ARHGAP28: variants seen among roughly 807,000 people sequenced by gnomAD.
The protein encoded by ARHGAP28 is Rho GTPase activating protein 28.
Under a neutral mutation model 90.7 loss-of-function variants are expected in ARHGAP28, and 56 were observed. The ratio of observed to expected loss-of-function variants is 0.62; its 90% CI spans 0.50 to 0.77. The LOEUF (loss-of-function observed/expected upper bound fraction) is 0.77, where lower values mean the gene tolerates loss of function less well. Among genes scored for constraint, ARHGAP28 ranks in the 30% least tolerant of loss-of-function variants. ARHGAP28 has a pLI of 0.00. For missense variants in ARHGAP28, 869 were observed against 900.9 expected (o/e 0.96, Z 0.45); for synonymous variants, 308 against 323.3 (o/e 0.95, Z 0.51).
At chr18:6,838,099 A>C (rs890698374) in intron 3 of ARHGAP28, among the ~76,000 whole-genome samples, 3 of 152,224 alleles carry the variant, frequency 2.0e-5, no homozygotes, top group Non-Finnish European at 4.4e-5. Flanking sequence ...CACAATTGCA[A>C]TGTTACATTA....
intron 1 of ARHGAP28, among the ~76,000 whole-genome samples, chr18:6,759,113 C>T (rs1197033396): frequency 1.3e-5 from 2 of 152,092 alleles, no homozygotes; most frequent in East Asian, 1.9e-4. Context: ...GGCATTATTT[C>T]ACCGTTGATA....
intron 2 of ARHGAP28, among the ~76,000 whole-genome samples, chr18:6,827,119 C>T (rs1291425793): frequency 6.6e-6 from 1 of 152,226 alleles, no homozygotes; most frequent in Non-Finnish European, 1.5e-5. Flanking sequence ...CATCCGATTT[C>T]TCAGTCTCTT....
At chr18:6,773,628 G>T (rs1600170609) in intron 1 of ARHGAP28, among the ~76,000 whole-genome samples, 1 of 152,074 alleles carries the variant, frequency 6.6e-6, no homozygotes, top group African/African-American at 2.4e-5. Flanking sequence ...AAGTTGCGTG[G>T]TTTCTCTCTG....
intron 1 of ARHGAP28, among the ~76,000 whole-genome samples, chr18:6,804,503 CT>C: frequency 6.6e-6 from 1 of 151,644 alleles, no homozygotes; most frequent in East Asian, 1.9e-4. Flanking sequence ...CTATTTTTCT[CT>C]TTTAAGATCA....
intron 5 of ARHGAP28, among the ~76,000 whole-genome samples, chr18:6,863,237 A>G (rs536980335): frequency 1.1e-4 from 17 of 152,058 alleles, no homozygotes; most frequent in African/African-American, 4.1e-4. Context: ...ATCATTAAGG[A>G]GAGTATTTAT....
At chr18:6,841,224 C>T (rs866459458) in intron 3 of ARHGAP28, among the ~76,000 whole-genome samples, 27 of 112,562 alleles carry the variant, frequency 2.4e-4, no homozygotes, top group East Asian at 9.3e-4. Context: ...TCTCTCTCTC[C>T]CCCCAACCCG....
intron 1 of ARHGAP28, among the ~76,000 whole-genome samples, chr18:6,785,592 G>A (rs542787486): frequency 1.8e-4 from 28 of 152,298 alleles, no homozygotes; most frequent in African/African-American, 6.0e-4. Context: ...GAATTGATGC[G>A]TTGACTGTGG....
rs777718879 is a variant in ARHGAP28 at position 6,831,171 on chromosome 18, G to A, written c.326-6026G>A. Among the ~76,000 whole-genome samples the A allele has an allele frequency of 5.3e-5, 8 of 152,078 alleles. No individual in the cohort carries two copies. In the East Asian group the frequency reaches 7.7e-4, roughly 15 times the overall value. ...CTCATTATGGTTGTAATTACATTTC[G>A]CTGATGACTAATGATGTTGAACTTT... is the stretch of plus-strand genomic sequence containing the variant. On this transcript the variant is annotated intron_variant, in intron 2 of 17. Coordinates refer to ENST00000383472, the MANE Select transcript of ARHGAP28 (RefSeq NM_001366230.1).
chr18:6,761,535 T>A (rs1427240277), intron 1 of ARHGAP28, among the ~76,000 whole-genome samples: 1 of 152,164 alleles, frequency 6.6e-6, no homozygotes, highest in Admixed American at 6.5e-5. Flanking sequence ...ACAGCATGAA[T>A]CTGGGCTCCT....
chr18:6,883,259 G>A lies in ARHGAP28; in HGVS notation c.1453+960G>A, dbSNP rs1247740011. Among the ~76,000 whole-genome samples, 3 of 141,806 alleles carry A rather than the reference G, an allele frequency of 2.1e-5. No individual in the cohort carries two copies. In the East Asian group the frequency reaches 6.2e-4, roughly 29 times the overall value. 93.0% of individuals were successfully genotyped at this position (141,806 alleles called of 152,430 possible). On this transcript the variant is annotated intron_variant, in intron 11 of 17. Coordinates refer to ENST00000383472, the MANE Select transcript of ARHGAP28 (RefSeq NM_001366230.1). ...CACTAATTTTTTTTTTTTTTTTTGA[G>A]ACAGAGTGTCGCACTGTTGCCCAGG...
intron 1 of ARHGAP28, among the ~76,000 whole-genome samples, chr18:6,742,847 C>T (rs1376991478): frequency 6.6e-6 from 1 of 152,114 alleles, no homozygotes; most frequent in Non-Finnish European, 1.5e-5. Context: ...CGGAGACCAA[C>T]AGGATGAGAG....
At chr18:6,814,689 T>C (rs2056578700) in intron 1 of ARHGAP28, among the ~76,000 whole-genome samples, 1 of 152,228 alleles carries the variant, frequency 6.6e-6, no homozygotes, top group Non-Finnish European at 1.5e-5. Flanking sequence ...TACATAGTAG[T>C]GCTAGCTGTA....
At chr18:6,873,294 T>G in intron 7 of ARHGAP28, 115 bp from the exon 8 acceptor site, 1 of 856,148 alleles carries the variant, frequency 1.2e-6, no homozygotes, top group African/African-American at 1.7e-5. Context: ...CTTAGAGATG[T>G]TTTCCAAAGA....
At chr18:6,884,702 G>A (rs1009880846) in intron 11 of ARHGAP28, among the ~76,000 whole-genome samples, 33 of 152,110 alleles carry the variant, frequency 2.2e-4, no homozygotes, top group African/African-American at 7.0e-4. Flanking sequence ...CCCCACACAC[G>A]CATGGTTTGT....
rs571426008 is a variant in ARHGAP28 at position 6,813,655 on chromosome 18, T to G, written c.123-11107T>G. Among the ~76,000 whole-genome samples the G allele has an allele frequency of 1.2e-4, 18 of 152,278 alleles. No homozygotes were observed. In the South Asian group the frequency reaches 3.7e-3, roughly 32 times the overall value. On this transcript the variant is annotated intron_variant, in intron 1 of 17. Coordinates refer to ENST00000383472, the MANE Select transcript of ARHGAP28 (RefSeq NM_001366230.1). ...ATCTCTACTATAAAAGTGTGAAGCC[T>G]TATATTTTTTAAGTTAGTGAAGAAT...
rs79404641 is a variant in ARHGAP28 at position 6,875,507 on chromosome 18, G to A, written c.1213-624G>A. On this transcript the variant is annotated intron_variant, in intron 9 of 17. Transcript: ENST00000383472. ...GTGAGGTGCTTTATTACAGTGAATC[G>A]AACTGTTCTCCTTAGTCTCCTTAGC... 9.3e-3 allele frequency among the ~76,000 whole-genome samples: 1,417 copies of A among 152,238 alleles called. 19 individuals carry two copies. The highest frequency in any genetic ancestry group is 0.032 in the African/African-American group (1,310 of 41,538).
At chr18:6,903,960 T>A (rs972694067) in intron 16 of ARHGAP28, among the ~76,000 whole-genome samples, 1 of 151,682 alleles carries the variant, frequency 6.6e-6, no homozygotes, top group Non-Finnish European at 1.5e-5. Context: ...AAACTAGATA[T>A]CAGTAACAGA....
intron 10 of ARHGAP28, among the ~76,000 whole-genome samples, chr18:6,881,034 A>G (rs1452538149): frequency 4.6e-5 from 7 of 152,246 alleles, no homozygotes; most frequent in Non-Finnish European, 8.8e-5. Flanking sequence ...CCAGGGCAAG[A>G]TGGAAATCTC....
intron 14 of ARHGAP28, among the ~76,000 whole-genome samples, chr18:6,892,091 A>T (rs2057270542): frequency 6.6e-6 from 1 of 152,154 alleles, no homozygotes; most frequent in South Asian, 2.1e-4. Context: ...TTTATTTAGA[A>T]ATGAAATTTT....
Sources: allele counts gnomAD v4.1 joint callset (sites outside exome capture counted in the v4.1 genomes callset), GRCh38; gene constraint gnomAD v4.1.1; transcripts MANE v1.5; gene names NCBI Gene and HGNC (gene_info 2026-07-23, HGNC 2026-07-21).